The following ZNF587B variants were observed in gnomAD, a reference collection of about 807,000 sequenced individuals.
ZNF587B encodes zinc finger protein 587B.
A neutral mutation model predicts 7.2 loss-of-function variants in ZNF587B; 6 were observed. The ratio of observed to expected loss-of-function variants is 0.83; its 90% CI spans 0.46 to 1.65. The LOEUF is 1.65. Ranked by LOEUF, ZNF587B falls within the 40% of genes most tolerant of loss-of-function variation. The pLI, the probability that ZNF587B is intolerant of heterozygous loss-of-function variation, is 0.01. For synonymous variants in ZNF587B, 274 were observed against 254.3 expected (o/e 1.08, Z -0.74); for missense variants, 749 against 761.0 (o/e 0.98, Z 0.19).
Position 57,843,612 on chromosome 19 carries a change from T to G in ZNF587B, c.*1036T>G, listed in dbSNP as rs1217556266. On this transcript the variant is annotated 3_prime_UTR_variant, in exon 3 of 3. Coordinates refer to ENST00000594901, the MANE Select transcript of ZNF587B (RefSeq NM_001376223.1). The stretch of plus-strand genomic sequence containing the variant: ...GTTGTTTTTTTTTGTTTTTTTTTTT[T>G]TTTTTTTTGGAGACAAAGTTTCACT... 3 of 917,408 alleles carry G rather than the reference T, an allele frequency of 3.3e-6. No homozygotes were observed. The highest frequency in any genetic ancestry group is 2.6e-6 in the Non-Finnish European group (2 of 774,306). 56.8% of individuals were successfully genotyped at this position (917,408 alleles called of 1,614,324 possible).
chr19:57,830,417 CTG>C lies in ZNF587B; in HGVS notation c.-109_-108del, dbSNP rs1988327307. 1.7e-6 allele frequency: 2 copies of C among 1,197,130 alleles called. No individual in the cohort carries two copies. The highest frequency in any genetic ancestry group is 2.4e-6 in the Non-Finnish European group (2 of 843,554). The allele number at this position is 1,197,130 out of a possible 1,614,324, so 74.2% of individuals were successfully genotyped here. On this transcript the variant is annotated 5_prime_UTR_variant, in exon 1 of 3. Coordinates refer to ENST00000594901, the MANE Select transcript of ZNF587B (RefSeq NM_001376223.1). ...GCTGCACAGAGGCGACTCTGGAGCT[CTG>C]TGACGGCGCCAAGCGTGACCCACCC...
At chr19:57,839,679 T>C (rs1202390414) in intron 2 of ZNF587B, among the ~76,000 whole-genome samples, 1 of 152,036 alleles carries the variant, frequency 6.6e-6, no homozygotes. Context: ...TCATGTCCCA[T>C]GTATTTGGTC....
At chr19:57,837,771 G>A (rs1317103825) in intron 1 of ZNF587B, among the ~76,000 whole-genome samples, 1 of 151,810 alleles carries the variant, frequency 6.6e-6, no homozygotes, top group Non-Finnish European at 1.5e-5. Flanking sequence ...TTTTAGTAGA[G>A]ACGCAGTTTC....
rs919416153 is a variant in ZNF587B, at chr19:57,842,762, C to G, written c.*186C>G. The G allele has an allele frequency of 2.3e-4, 222 of 985,306 alleles. No homozygotes were observed. Among genetic ancestry groups the G allele is most frequent in the Non-Finnish European group, 2.6e-4 (215 of 829,942 alleles). 61.0% of individuals were successfully genotyped at this position (985,306 alleles called of 1,614,324 possible). ...ATTTGGCAGTTTTGTAGCCACACCT[C>G]TGTATTCCTTCAGGATTATATTTAA... On this transcript the variant is annotated 3_prime_UTR_variant, in exon 3 of 3. Coordinates refer to ENST00000594901, the MANE Select transcript of ZNF587B (RefSeq NM_001376223.1).
chr19:57,845,820 G>C lies in ZNF587B; in HGVS notation c.*3244G>C, dbSNP rs2122272599. The C allele has an allele frequency of 6.6e-6, 1 of 152,246 alleles. No individual in the cohort carries two copies. The highest frequency in any genetic ancestry group is 2.1e-4 in the South Asian group (1 of 4,828). 9.4% of individuals were successfully genotyped at this position (152,246 alleles called of 1,614,324 possible). A position where few individuals can be genotyped will look rare whatever the true frequency, so the allele number is the denominator to read the frequency against. ...AGTGTGGGGAACATGGCAAAACCTTGTCTCTAGGAAAAATAGCCAGGTATG... is the reference window on the plus strand; with the variant it reads ...AGTGTGGGGAACATGGCAAAACCTTCTCTCTAGGAAAAATAGCCAGGTATG... On this transcript the variant is annotated 3_prime_UTR_variant, in exon 3 of 3. Coordinates refer to ENST00000594901, the MANE Select transcript of ZNF587B (RefSeq NM_001376223.1).
intron 2 of ZNF587B, 140 bp downstream of exon 2, chr19:57,839,289 A>T (rs1478999357): frequency 5.6e-5 from 76 of 1,366,474 alleles, no homozygotes; most frequent in Non-Finnish European, 6.5e-5. Context: ...TGGTTGTAGG[A>T]CTGAGGTGTA....
In ZNF587B at chr19:57,839,143, T is replaced by A. The variant is rs766355850; in HGVS notation, c.157T>A (p.Ser53Thr). 1 of 1,614,168 alleles carries A rather than the reference T, an allele frequency of 6.2e-7. No homozygotes were observed. The highest frequency in any genetic ancestry group is 1.7e-5 in the Admixed American group (1 of 60,018). The change falls in exon 2 of 3, where the codon TCC becomes ACC. Residue 53 changes from serine (S) to threonine (T), a missense_variant. Physicochemically the swap from Ser to Thr is moderately conservative, Grantham distance 58. This residue lies in a region of ZNF587B where 72 missense variants were observed against 147.8 expected (regional missense o/e 0.49). Coordinates refer to ENST00000594901, the MANE Select transcript of ZNF587B (RefSeq NM_001376223.1). ...VTLENLALMS[S>T]LGCWCGVEDE... is the part of the protein sequence containing the mutation. ...TCTGGAGAACCTGGCACTTATGTCC[T>A]CCCTGGGTAAGTTGCTCACACTCAC...
chr19:57,832,337 G>C (rs1192946566), intron 1 of ZNF587B, among the ~76,000 whole-genome samples: 3 of 152,152 alleles, frequency 2.0e-5, no homozygotes, highest in Non-Finnish European at 4.4e-5. Flanking sequence ...CGCCCGCCTT[G>C]GCCTCCCAAA....
Position 57,830,482 on chromosome 19 carries a change from G to T in ZNF587B, c.-47G>T, listed in dbSNP as rs932160347. The T allele has an allele frequency of 6.5e-7, 1 of 1,547,082 alleles. No individual in the cohort carries two copies. Among genetic ancestry groups the T allele is most frequent in the Admixed American group, 2.0e-5 (1 of 50,960 alleles). The stretch of plus-strand genomic sequence containing the variant: ...AGGGACCGTCATGCCCATATCTCCT[G>T]GCTGGTCACCCTCTCCTCCCAACCC... On this transcript the variant is annotated 5_prime_UTR_variant, in exon 1 of 3. Coordinates refer to ENST00000594901, the MANE Select transcript of ZNF587B (RefSeq NM_001376223.1).
rs1330393208 is a variant in ZNF587B at position 57,843,587 on chromosome 19, GTTGT to G, written c.*1014_*1017del. 6.6e-6 allele frequency: 5 copies of G among 759,900 alleles called. No homozygotes were observed. Among genetic ancestry groups the G allele is most frequent in the South Asian group, 6.0e-5 (1 of 16,636 alleles). 47.1% of individuals were successfully genotyped at this position (759,900 alleles called of 1,614,324 possible). A position where few individuals can be genotyped will look rare whatever the true frequency, so the allele number is the denominator to read the frequency against. On this transcript the variant is annotated 3_prime_UTR_variant, in exon 3 of 3. Coordinates refer to ENST00000594901, the MANE Select transcript of ZNF587B (RefSeq NM_001376223.1). ...GTTTGGTTGGTTGGTTGGTTGGTTG[GTTGT>G]TTTTTTTTGTTTTTTTTTTTTTTTT...
At position 57,843,036 on chromosome 19, in the gene ZNF587B, C is replaced by A; in HGVS notation, c.*460C>A. The A allele has an allele frequency of 2.2e-6, 2 of 929,302 alleles. No homozygotes were observed. Among genetic ancestry groups the A allele is most frequent in the Non-Finnish European group, 2.6e-6 (2 of 778,724 alleles). The allele number at this position is 929,302 out of a possible 1,614,324, so 57.6% of individuals were successfully genotyped here. A position where few individuals can be genotyped will look rare whatever the true frequency, so the allele number is the denominator to read the frequency against. Reference sequence around the variant, plus strand: ...TTGGAGAGACGGTCTCACTCCATCACCCATGCTGGTGTGCAGTGCTGCGAT... The same window carrying A: ...TTGGAGAGACGGTCTCACTCCATCAACCATGCTGGTGTGCAGTGCTGCGAT... On this transcript the variant is annotated 3_prime_UTR_variant, in exon 3 of 3. Transcript: ENST00000594901.
rs769159794 is a variant in ZNF587B at position 57,842,492 on chromosome 19, T to C, written c.1818T>C (p.Tyr606=). 8 of 1,576,330 alleles carry C rather than the reference T, an allele frequency of 5.1e-6. No individual in the cohort carries two copies. The East Asian group carries it at 1.1e-4, about 22-fold the overall frequency. The part of the protein sequence containing the change: ...HRRVHTGEKP[Y]GCSECEKKFR... The stretch of plus-strand genomic sequence containing the variant: ...GAGTTCACACTGGAGAAAAGCCTTA[T>C]GGGTGTAGTGAATGTGAAAAAAAAT... Residue 606 remains tyrosine, a synonymous_variant, in exon 3 of 3, where the codon TAT becomes TAC. Transcript: ENST00000594901.
At chr19:57,835,027 G>A (rs1447567149) in intron 1 of ZNF587B, among the ~76,000 whole-genome samples, 1 of 93,894 alleles carries the variant, frequency 1.1e-5, no homozygotes, top group African/African-American at 5.0e-5. Flanking sequence ...TCCCATTTCA[G>A]TGAAACTGTG....
intron 1 of ZNF587B, among the ~76,000 whole-genome samples, chr19:57,838,540 G>T (rs1255440035): frequency 6.6e-6 from 1 of 152,202 alleles, no homozygotes; most frequent in Non-Finnish European, 1.5e-5. Context: ...GGCAGAGGTT[G>T]CAGTGAGCCG....
chr19:57,836,960 T>TAA (rs71188052), intron 1 of ZNF587B, among the ~76,000 whole-genome samples: 5,456 of 106,092 alleles, frequency 0.051, 164 homozygotes, highest in Non-Finnish European at 0.056. Context: ...GACTCCGTCA[T>TAA]AAAAAAAAAA....
rs1333746162 is a variant in ZNF587B at position 57,843,516 on chromosome 19, T to C, written c.*940T>C. ...ACCTATTTCGTATTCTAGAAGTATA[T>C]TTTGGTTGTCTCCCATTCACGAGAG... On this transcript the variant is annotated 3_prime_UTR_variant, in exon 3 of 3. Coordinates refer to ENST00000594901, the MANE Select transcript of ZNF587B (RefSeq NM_001376223.1). The C allele has an allele frequency of 3.0e-6, 3 of 985,102 alleles. No homozygotes were observed. The African/African-American group carries it at 5.2e-5, about 17-fold the overall frequency. 61.0% of individuals were successfully genotyped at this position (985,102 alleles called of 1,614,324 possible).
rs1240116297 is a variant in ZNF587B, at chr19:57,830,621, A to T, written c.36+57A>T. ...ACCTCATCATCACCCAAAAGCCTGT[A>T]GTCTTGCAAGGAAGAGTCTTTAAGG... On this transcript the variant is annotated intron_variant, in intron 1 of 2. Transcript: ENST00000594901. 25 of 1,537,194 alleles carry T rather than the reference A, an allele frequency of 1.6e-5. No individual in the cohort carries two copies. The Middle Eastern group carries it at 1.5e-3, about 92-fold the overall frequency.
chr19:57,834,857 G>GA (rs370741807), intron 1 of ZNF587B, among the ~76,000 whole-genome samples: 3,481 of 124,626 alleles, frequency 0.028, 108 homozygotes, highest in African/African-American at 0.072. Flanking sequence ...AAAAAAAAAA[G>GA]AAAAAAAAAA....
At position 57,846,222 on chromosome 19, in the gene ZNF587B, A is replaced by G. The variant is rs1321866983; in HGVS notation, c.*3646A>G. On this transcript the variant is annotated 3_prime_UTR_variant, in exon 3 of 3. Coordinates refer to ENST00000594901, the MANE Select transcript of ZNF587B (RefSeq NM_001376223.1). The stretch of plus-strand genomic sequence containing the variant: ...TGGAATTTTCTGACTGATGTAATAA[A>G]GTGTTTCCTCTTATAATCCCTGGGT... The G allele has an allele frequency of 2.0e-5, 3 of 152,078 alleles. No individual in the cohort carries two copies. The highest frequency in any genetic ancestry group is 7.3e-5 in the African/African-American group (3 of 41,374). The allele number at this position is 152,078 out of a possible 1,614,324, so 9.4% of individuals were successfully genotyped here. A position where few individuals can be genotyped will look rare whatever the true frequency, so the allele number is the denominator to read the frequency against.
Sources: gnomAD v4.1 joint callset for allele counts (sites outside exome capture counted in the v4.1 genomes callset) on GRCh38, gnomAD v4.1.1 for gene constraint, gnomAD v4.1.1 regional missense constraint, MANE v1.5 for transcripts, NCBI Gene and HGNC (gene_info 2026-07-23, HGNC 2026-07-21) for gene names.